The following PXDN variants were observed in gnomAD, a reference collection of about 807,000 sequenced individuals.
PXDN encodes the protein peroxidasin homolog.
PXDN carries 77 observed loss-of-function variants against 140.3 expected under a neutral mutation model. The ratio of observed to expected loss-of-function variants is 0.55; its 90% confidence interval spans 0.46 to 0.66. The LOEUF (loss-of-function observed/expected upper bound fraction) is 0.66, where lower values mean the gene tolerates loss of function less well. Among genes scored for constraint, PXDN ranks in the 30% least tolerant of loss-of-function variants. The pLI is 0.00. For missense variants in PXDN, 1,838 were observed against 2,039.5 expected (o/e 0.90, Z 1.90); for synonymous variants, 911 against 857.4 (o/e 1.06, Z -1.09).
chr2:1,719,562 G>C (rs1684969370), intron 1 of PXDN, among the ~76,000 whole-genome samples: 1 of 152,188 alleles, frequency 6.6e-6, no homozygotes, highest in Non-Finnish European at 1.5e-5. Context: ...GGCCTCTCTG[G>C]ATTCTCACCA....
intron 1 of PXDN, among the ~76,000 whole-genome samples, chr2:1,733,326 T>C (rs1248225788): frequency 1.3e-5 from 2 of 152,040 alleles, no homozygotes; most frequent in East Asian, 3.9e-4. Context: ...CATAATCCAA[T>C]TGCTCCACAC....
intron 14 of PXDN, among the ~76,000 whole-genome samples, chr2:1,656,956 G>C (rs1683154388): frequency 7.1e-6 from 1 of 139,988 alleles, no homozygotes. Context: ...TCCTGCCTCA[G>C]ACCTGTCCCC....
chr2:1,681,054 C>T (rs1683889801), intron 6 of PXDN, among the ~76,000 whole-genome samples: 3 of 152,174 alleles, frequency 2.0e-5, no homozygotes, highest in Admixed American at 2.0e-4. Flanking sequence ...AGGTAGCAAA[C>T]ACAGGCTACA....
At chr2:1,686,605 T>C (rs1457760521) in intron 4 of PXDN, among the ~76,000 whole-genome samples, 1 of 152,214 alleles carries the variant, frequency 6.6e-6, no homozygotes, top group Non-Finnish European at 1.5e-5. Context: ...TCCCTACATC[T>C]GGGTGTTCCC....
At chr2:1,735,695 G>A (rs1257473635) in intron 1 of PXDN, among the ~76,000 whole-genome samples, 1 of 152,200 alleles carries the variant, frequency 6.6e-6, no homozygotes, top group African/African-American at 2.4e-5. Flanking sequence ...ATTTGGCAGG[G>A]TCCTTAAGAC....
At chr2:1,709,330 G>A (rs1384439548) in intron 1 of PXDN, among the ~76,000 whole-genome samples, 3 of 152,168 alleles carry the variant, frequency 2.0e-5, no homozygotes, top group Non-Finnish European at 2.9e-5. Flanking sequence ...GGGTCAGAGA[G>A]GGCCCCAGAG....
At chr2:1,675,070 C>T (rs1683667217) in intron 8 of PXDN, among the ~76,000 whole-genome samples, 1 of 152,194 alleles carries the variant, frequency 6.6e-6, no homozygotes, top group South Asian at 2.1e-4. Context: ...GCACCAATCC[C>T]CCAACTTGCA....
At chr2:1,652,500 A>G (rs1683037176) in intron 16 of PXDN, among the ~76,000 whole-genome samples, 2 of 34,638 alleles carry the variant, frequency 5.8e-5, no homozygotes, top group African/African-American at 9.7e-5. Context: ...CTTCTCCCCA[A>G]GAATGTGCCT....
intron 1 of PXDN, among the ~76,000 whole-genome samples, chr2:1,724,925 T>C (rs1445885809): frequency 2.0e-5 from 3 of 152,316 alleles, no homozygotes; most frequent in East Asian, 1.9e-4. Context: ...GTAACAAGAA[T>C]TGCATTGAAT....
At chr2:1,733,774 T>C (rs1356458895) in intron 1 of PXDN, among the ~76,000 whole-genome samples, 1 of 106,350 alleles carries the variant, frequency 9.4e-6, no homozygotes. Flanking sequence ...AAAAGCAGTG[T>C]CAGAGAAAAT....
At chr2:1,645,835 T>G (rs1354366153) in intron 17 of PXDN, 1 of 152,466 alleles carries the variant, frequency 6.6e-6, no homozygotes, top group Non-Finnish European at 1.5e-5. Context: ...TCCGGGCGGC[T>G]CCTGCTCTGG....
intron 18 of PXDN, 125 bp downstream of exon 18, chr2:1,644,493 G>C (rs1207926197): frequency 2.7e-6 from 3 of 1,129,200 alleles, no homozygotes; most frequent in Non-Finnish European, 3.5e-6. Flanking sequence ...ATTCTCAACC[G>C]GGGACACACA....
chr2:1,673,900 C>CG, intron 8 of PXDN, 88 bp from the exon 9 acceptor site: 1 of 1,419,438 alleles, frequency 7.0e-7, no homozygotes, highest in Non-Finnish European at 9.8e-7. Context: ...TCCAGCCCTG[C>CG]AGCAGGCACA....
chr2:1,725,741 A>C (rs1685164105), intron 1 of PXDN, among the ~76,000 whole-genome samples: 1 of 152,218 alleles, frequency 6.6e-6, no homozygotes, highest in Non-Finnish European at 1.5e-5. Context: ...GAAAAAAACA[A>C]ACAACCCCAT....
intron 1 of PXDN, among the ~76,000 whole-genome samples, chr2:1,699,537 C>G (rs192915894): frequency 1.3e-5 from 2 of 152,020 alleles, no homozygotes; most frequent in African/African-American, 4.8e-5. Flanking sequence ...GGTGAAACCC[C>G]GTTTCTATTA....
intron 11 of PXDN, 26 bp from the exon 12 acceptor site, chr2:1,663,789 TGGACACTC>T (rs1375574974): frequency 6.2e-7 from 1 of 1,606,152 alleles, no homozygotes; most frequent in South Asian, 1.1e-5. Context: ...CCCGTTACAC[TGGACACTC>T]GGACGCATGG....
chr2:1,704,477 GGGGGCAACTCCAGGTGAAGGA>G, intron 1 of PXDN, among the ~76,000 whole-genome samples: 1 of 83,230 alleles, frequency 1.2e-5, no homozygotes, highest in Non-Finnish European at 2.2e-5. Context: ...AGGTGAAGGG[GGGGGCAACTCCAGGTGAAGGA>G]GGGCAACTCC....
In PXDN at chr2:1,651,190, C is replaced by G. The variant is rs981933549; in HGVS notation, c.2105-1515G>C. ...TACAGAATTATCAATCTTGAACATC[C>G]ATAGAGCCAAGAAAGCAGAGTGCCA... is the stretch of plus-strand genomic sequence containing the variant. On this transcript the variant is annotated intron_variant, in intron 16 of 22. Transcript: ENST00000252804. This position sits in a 1 kb window ranked among gnomAD's most constrained non-coding sequence, Gnocchi z 4.4. 6.6e-6 allele frequency among the ~76,000 whole-genome samples: 1 copy of G among 152,192 alleles called. No individual in the cohort carries two copies. The highest frequency in any genetic ancestry group is 2.4e-5 in the African/African-American group (1 of 41,458).
intron 1 of PXDN, among the ~76,000 whole-genome samples, chr2:1,741,092 G>T (rs985046172): frequency 3.3e-5 from 5 of 152,120 alleles, no homozygotes; most frequent in Admixed American, 1.3e-4. Flanking sequence ...AGGGAAGAGA[G>T]GAAGGCAGGA....
Sources: allele counts gnomAD v4.1 joint callset (sites outside exome capture counted in the v4.1 genomes callset), GRCh38; gene constraint gnomAD v4.1.1; non-coding constraint Gnocchi (gnomAD v3.1); transcripts MANE v1.5; gene names NCBI Gene and HGNC (gene_info 2026-07-23, HGNC 2026-07-21).